The following TRPM3 variants were observed in gnomAD, a reference collection of about 807,000 sequenced individuals.
TRPM3 encodes long transient receptor potential channel 3.
Under a neutral mutation model 181.2 loss-of-function variants are expected in TRPM3, and 77 were observed. That is an observed-to-expected ratio of 0.42 (90% CI 0.35 to 0.51). The LOEUF (loss-of-function observed/expected upper bound fraction) is 0.51, where lower values mean the gene tolerates loss of function less well. Among genes scored for constraint, TRPM3 ranks in the 20% least tolerant of loss-of-function variants. The probability of loss-of-function intolerance (pLI) is 0.01; values close to 1 mark genes in which losing one functional copy is unlikely to be tolerated. For missense variants in TRPM3, 1,759 were observed against 2,196.7 expected, an observed-to-expected ratio of 0.80 and a Z score of 3.98; for synonymous variants, 745 against 796.4, an observed-to-expected ratio of 0.94 and a Z score of 1.09.
chr9:71,185,675 T>C (rs2077633063), intron 1 of TRPM3, among the ~76,000 whole-genome samples: 2 of 152,118 alleles, frequency 1.3e-5, no homozygotes. Flanking sequence ...ATGTGTTTTA[T>C]GTGTAGTCTC....
chr9:70,985,113 A>G (rs1007669991), intron 1 of TRPM3, among the ~76,000 whole-genome samples: 3 of 152,216 alleles, frequency 2.0e-5, no homozygotes, highest in Non-Finnish European at 4.4e-5. Context: ...TGATTATGCA[A>G]TTATTACCTA....
chr9:70,800,300 T>C (rs78682322), intron 6 of TRPM3, among the ~76,000 whole-genome samples: 248 of 152,344 alleles, frequency 1.6e-3, no homozygotes, highest in African/African-American at 5.6e-3. Flanking sequence ...TGAATGTAGA[T>C]AGTTTATACC....
chr9:71,437,762 G>A (rs888720459), intron 1 of TRPM3, among the ~76,000 whole-genome samples: 1 of 151,704 alleles, frequency 6.6e-6, no homozygotes, highest in African/African-American at 2.4e-5. Context: ...CAGCTACTAG[G>A]GAGGCTGAGG....
intron 1 of TRPM3, among the ~76,000 whole-genome samples, chr9:71,265,003 T>C (rs1167511090): frequency 6.6e-6 from 1 of 152,158 alleles, no homozygotes; most frequent in Non-Finnish European, 1.5e-5. Flanking sequence ...AACAAAGAAA[T>C]GTATTTAATT....
intron 1 of TRPM3, among the ~76,000 whole-genome samples, chr9:70,927,953 A>T (rs1160482567): frequency 6.6e-6 from 1 of 152,160 alleles, no homozygotes; most frequent in African/African-American, 2.4e-5. Context: ...TTCCTAAGAC[A>T]TGTCTTATTT....
chr9:70,888,091 CT>C (rs1360985707), intron 1 of TRPM3, among the ~76,000 whole-genome samples: 1 of 152,162 alleles, frequency 6.6e-6, no homozygotes, highest in African/African-American at 2.4e-5. Flanking sequence ...TTGAACCATT[CT>C]TTAATTGCCT....
intron 1 of TRPM3, among the ~76,000 whole-genome samples, chr9:71,030,847 C>A (rs2057208360): frequency 6.6e-6 from 1 of 152,090 alleles, no homozygotes; most frequent in South Asian, 2.1e-4. Context: ...TCTCCCAGAG[C>A]TTTTCATTTT....
At chr9:70,783,999 G>T in intron 7 of TRPM3, 106 bp downstream of exon 7, 3 of 1,491,744 alleles carry the variant, frequency 2.0e-6, no homozygotes, top group Non-Finnish European at 2.7e-6. Flanking sequence ...TTCATAGCTT[G>T]TTTTGATTTG....
At chr9:70,660,237 A>G (rs1241867494) in intron 9 of TRPM3, among the ~76,000 whole-genome samples, 2 of 152,158 alleles carry the variant, frequency 1.3e-5, no homozygotes, top group African/African-American at 4.8e-5. Context: ...GGAAAAGTCA[A>G]ACTGGGAACT....
intron 8 of TRPM3, among the ~76,000 whole-genome samples, chr9:70,742,854 C>A (rs1221878374): frequency 1.3e-5 from 2 of 152,188 alleles, no homozygotes; most frequent in Non-Finnish European, 2.9e-5. Context: ...TTATAATCTT[C>A]TTCCTAAATC....
chr9:71,248,791 C>T (rs1386941135), intron 1 of TRPM3, among the ~76,000 whole-genome samples: 1 of 152,112 alleles, frequency 6.6e-6, no homozygotes, highest in Non-Finnish European at 1.5e-5. Flanking sequence ...TGATTGTCAA[C>T]CTCCCTGAGC....
chr9:70,847,287 G>T (rs1264661469), intron 3 of TRPM3, among the ~76,000 whole-genome samples: 2 of 152,190 alleles, frequency 1.3e-5, no homozygotes, highest in East Asian at 3.9e-4. Flanking sequence ...TAATAATTAT[G>T]TATATAACCA....
intron 1 of TRPM3, among the ~76,000 whole-genome samples, chr9:71,209,713 G>A (rs1257686428): frequency 6.6e-6 from 1 of 151,984 alleles, no homozygotes; most frequent in Non-Finnish European, 1.5e-5. Flanking sequence ...AGCTAAGAAT[G>A]GTTTTACATT....
At chr9:71,150,808 A>G (rs1565279037) in intron 1 of TRPM3, among the ~76,000 whole-genome samples, 1 of 152,180 alleles carries the variant, frequency 6.6e-6, no homozygotes, top group African/African-American at 2.4e-5. Context: ...TTCTTAGGAA[A>G]GAATTTAATG....
chr9:70,952,439 T>C (rs183322567), intron 1 of TRPM3, among the ~76,000 whole-genome samples: 23 of 152,300 alleles, frequency 1.5e-4, no homozygotes, highest in Middle Eastern at 3.4e-3. Context: ...AAAAATAATA[T>C]AGAGAATGCA....
intron 1 of TRPM3, among the ~76,000 whole-genome samples, chr9:71,353,100 C>T (rs1443461286): frequency 6.6e-6 from 1 of 152,132 alleles, no homozygotes; most frequent in Non-Finnish European, 1.5e-5. Flanking sequence ...TTACCACCTG[C>T]TCTCTCTGCT....
chr9:71,361,547 T>C (rs1375575778), intron 1 of TRPM3, among the ~76,000 whole-genome samples: 1 of 152,206 alleles, frequency 6.6e-6, no homozygotes, highest in East Asian at 1.9e-4. Flanking sequence ...GAGTTTTACA[T>C]ATGAAGGGCT....
rs1188445483 is a variant in TRPM3 at position 71,173,338 on chromosome 9, TG to T, written c.183+273314del. 5.3e-5 allele frequency among the ~76,000 whole-genome samples: 8 copies of T among 152,324 alleles called. No homozygotes were observed. The East Asian group carries it at 1.5e-3, about 29-fold the overall frequency. ...CTACCATGTATGCAGTATTTATGAC[TG>T]CTATCAGTATGAATTAGTTACATAT... is the stretch of plus-strand genomic sequence containing the variant. On this transcript the variant is annotated intron_variant, in intron 1 of 24. Coordinates refer to the TRPM3 transcript ENST00000357533.
At chr9:71,013,967 T>A (rs900737733) in intron 1 of TRPM3, among the ~76,000 whole-genome samples, 1 of 151,988 alleles carries the variant, frequency 6.6e-6, no homozygotes, top group Admixed American at 6.6e-5. Flanking sequence ...TTCTGCTTTC[T>A]TTTGATTTAT....
Sources: gnomAD v4.1 joint callset for allele counts (sites outside exome capture counted in the v4.1 genomes callset) on GRCh38, gnomAD v4.1.1 for gene constraint, MANE v1.5 for transcripts, NCBI Gene and HGNC (gene_info 2026-07-23, HGNC 2026-07-21) for gene names.